Variants in GGT5 observed in about 807,000 individuals in gnomAD.
GGT5 encodes the protein gamma-glutamyltransferase 5.
In GGT5, 50 loss-of-function variants were observed where a neutral mutation model predicts 58.1. The ratio of observed to expected loss-of-function variants is 0.86; its 90% confidence interval spans 0.69 to 1.09. The LOEUF (loss-of-function observed/expected upper bound fraction) is 1.09, where lower values mean the gene tolerates loss of function less well. GGT5 is among the 50% of genes least tolerant of loss of function. GGT5 has a pLI of 0.00. For missense variants in GGT5, 800 were observed against 789.4 expected (o/e 1.01, Z -0.16); for synonymous variants, 370 against 346.1 (o/e 1.07, Z -0.77).
At chr22:24,233,639 G>A in intron 2 of GGT5, 46 bp from the exon 3 acceptor site, 1 of 1,137,744 alleles carries the variant, frequency 8.8e-7, no homozygotes, top group Middle Eastern at 2.1e-4. Context: ...CCTGCAGACA[G>A]CCCCTGGCCT....
Position 24,226,229 on chromosome 22 carries a change from T to C in GGT5, c.1076A>G (p.Gln359Arg). Residue 359 changes from glutamine (Q) to arginine (R), a missense_variant, in exon 8 of 12, where the codon CAG becomes CGG. Gln to Arg is a conservative substitution (Grantham distance 43). Transcript: ENST00000327365. ...SRDLLGETLA[Q>R]LIRQQIDGRG... ...GCCATCGATCTGTTGGCGGATGAGC[T>C]GGGCCAGGGTCTCCCCCAGCAGGTC... The C allele has an allele frequency of 6.2e-7, 1 of 1,607,526 alleles. No homozygotes were observed. Among genetic ancestry groups the C allele is most frequent in the Non-Finnish European group, 8.5e-7 (1 of 1,179,176 alleles).
At chr22:24,238,888 ATTTTATATATATATATATTATATATAT>A (rs1569372180) in intron 1 of GGT5, among the ~76,000 whole-genome samples, 755 of 14,612 alleles carry the variant, frequency 0.052, 113 homozygotes, top group Non-Finnish European at 0.076. Context: ...TATATTATAT[ATTTTATATATATATATATTATATATAT>A]TATATATATA....
At chr22:24,231,322 T>C in intron 6 of GGT5, 62 bp downstream of exon 6, 1 of 1,195,836 alleles carries the variant, frequency 8.4e-7, no homozygotes, top group Non-Finnish European at 1.2e-6. Context: ...GGAGTCTGAG[T>C]TCCCGGGGGC....
chr22:24,236,715 G>A (rs909517080), intron 1 of GGT5, among the ~76,000 whole-genome samples: 2 of 148,368 alleles, frequency 1.3e-5, no homozygotes, highest in African/African-American at 5.0e-5. Context: ...GTGAGCCAAG[G>A]TTGTACCACT....
chr22:24,227,750 A>C (rs1342607156), intron 6 of GGT5, among the ~76,000 whole-genome samples: 2 of 151,740 alleles, frequency 1.3e-5, no homozygotes, highest in Admixed American at 1.3e-4. Context: ...AAGTGGGAAG[A>C]GGCTGTGAAA....
At chr22:24,221,795 C>G (rs374607309) in intron 11 of GGT5, among the ~76,000 whole-genome samples, 1 of 151,982 alleles carries the variant, frequency 6.6e-6, no homozygotes, top group Non-Finnish European at 1.5e-5. Context: ...CGGGAGCCAC[C>G]GCGCGCAGCC....
rs1273239063 is a variant in GGT5 at position 24,228,048 on chromosome 22, C to CAAAAAAAAAAA, written c.902-1292_902-1282dup. ...TAGTAAACAGAGCAAGACTCTGTCT[C>CAAAAAAAAAAA]AAAAAAAAAAAAAAAAAACAAAACA... On this transcript the variant is annotated intron_variant, in intron 6 of 11. Coordinates refer to ENST00000327365, the MANE Select transcript of GGT5 (RefSeq NM_004121.5). Among the ~76,000 whole-genome samples, 16 of 22,066 alleles carry CAAAAAAAAAAA rather than the reference C, an allele frequency of 7.3e-4. 2 individuals are homozygous for CAAAAAAAAAAA. Among genetic ancestry groups the CAAAAAAAAAAA allele is most frequent in the Non-Finnish European group, 9.8e-4 (11 of 11,208 alleles). 14.5% of individuals were successfully genotyped at this position (22,066 alleles called of 152,430 possible). A position where few individuals can be genotyped will look rare whatever the true frequency, so the allele number is the denominator to read the frequency against.
Position 24,226,232 on chromosome 22 carries a change from G to T in GGT5, c.1073C>A (p.Ala358Asp). The change falls in exon 8 of 12, where the codon GCC (alanine) becomes GAC (aspartate). Residue 358 changes from alanine (A) to aspartate (D), a missense_variant. Transcript: ENST00000327365. ...ASRDLLGETL[A>D]QLIRQQIDGR... Reference sequence around the variant, plus strand: ...ATCGATCTGTTGGCGGATGAGCTGGGCCAGGGTCTCCCCCAGCAGGTCCCG... The same window carrying T: ...ATCGATCTGTTGGCGGATGAGCTGGTCCAGGGTCTCCCCCAGCAGGTCCCG... The T allele has an allele frequency of 6.2e-7, 1 of 1,608,050 alleles. No homozygotes were observed.
At chr22:24,241,682 C>T (rs947943311) in intron 1 of GGT5, 7 of 151,784 alleles carry the variant, frequency 4.6e-5, no homozygotes, top group East Asian at 1.9e-4. Flanking sequence ...CCATCAGGAA[C>T]GAGTAGAATA....
chr22:24,230,758 A>G (rs2047913602), intron 6 of GGT5, among the ~76,000 whole-genome samples: 1 of 152,134 alleles, frequency 6.6e-6, no homozygotes, highest in Admixed American at 6.5e-5. Flanking sequence ...TGGAACAAAC[A>G]TCATTTTCTT....
intron 4 of GGT5, 43 bp from the exon 5 acceptor site, chr22:24,232,251 G>A (rs948834583): frequency 1.2e-5 from 15 of 1,235,558 alleles, no homozygotes; most frequent in Non-Finnish European, 1.7e-5. Flanking sequence ...AGGTCCCAGA[G>A]GCAGCCACAC....
chr22:24,244,694 A>G lies in GGT5; in HGVS notation c.32T>C (p.Leu11Pro). 1 of 1,612,468 alleles carries G rather than the reference A, an allele frequency of 6.2e-7. No individual in the cohort carries two copies. The highest frequency in any genetic ancestry group is 8.5e-7 in the Non-Finnish European group (1 of 1,179,856). MARGYGATVS[L>P]VLLGLGLALA... Reference sequence around the variant, plus strand: ...CGCCAGCCCCAGACCCAGCAGGACTAGGCTGACCGTGGCCCCGTAGCCCCG... The same window carrying G: ...CGCCAGCCCCAGACCCAGCAGGACTGGGCTGACCGTGGCCCCGTAGCCCCG... Residue 11 changes from leucine to proline, a missense_variant, in exon 1 of 12, where the codon CTA becomes CCA. Leu to Pro is a moderately conservative substitution (Grantham distance 98). Transcript: ENST00000327365.
intron 11 of GGT5, among the ~76,000 whole-genome samples, chr22:24,222,132 T>C (rs2047607133): frequency 6.6e-6 from 1 of 151,884 alleles, no homozygotes; most frequent in African/African-American, 2.4e-5. Context: ...TAAGCTGAGA[T>C]CGCGCCACTG....
rs190365252 is a variant in GGT5 at position 24,232,662 on chromosome 22, G to T, written c.596+161C>A. On this transcript the variant is annotated intron_variant, in intron 4 of 11. Coordinates refer to ENST00000327365, the MANE Select transcript of GGT5 (RefSeq NM_004121.5). ...TAACCCCAAGTTAGGCTCTGCCACG[G>T]GGAGCTGGAAGGGCCATGAAAAGTA... Among the ~76,000 whole-genome samples, 399 of 152,276 alleles carry T rather than the reference G, an allele frequency of 2.6e-3. 3 individuals carry two copies. Among genetic ancestry groups the T allele is most frequent in the African/African-American group, 9.3e-3 (387 of 41,542 alleles).
chr22:24,225,066 G>T lies in GGT5; in HGVS notation c.1544C>A (p.Ala515Glu), dbSNP rs371500873. ...SKLWLGFDLR[A>E]AIAAPILHVN... ...ATGCAGGATGGGGGCTGCAATGGCC[G>T]CTCTCAGGTCAAAGCCAAGCCACAG... The change falls in exon 11 of 12, where the codon GCG becomes GAG. Residue 515 changes from alanine (A) to glutamate (E), a missense_variant. Physicochemically the swap from Ala to Glu is moderately radical, Grantham distance 107. Transcript: ENST00000327365. 2 of 1,600,388 alleles carry T rather than the reference G, an allele frequency of 1.2e-6. No individual in the cohort carries two copies. The highest frequency in any genetic ancestry group is 2.3e-5 in the East Asian group (1 of 43,964).
chr22:24,225,701 C>T lies in GGT5; in HGVS notation c.1230-49G>A, dbSNP rs752816688. ...CCTGGGCTAGGACCCGGGGCTCCCACCAGACACCACTTACCCTGCACGCTT... is the reference window on the plus strand; with the variant it reads ...CCTGGGCTAGGACCCGGGGCTCCCATCAGACACCACTTACCCTGCACGCTT... On this transcript the variant is annotated intron_variant, in intron 8 of 11. Transcript: ENST00000327365. The T allele has an allele frequency of 2.7e-6, 3 of 1,094,836 alleles. No individual in the cohort carries two copies. The South Asian group carries it at 3.8e-5, about 14-fold the overall frequency. 67.8% of individuals were successfully genotyped at this position (1,094,836 alleles called of 1,614,324 possible).
chr22:24,244,487 C>A lies in GGT5; in HGVS notation c.173+66G>T, dbSNP rs2048417913. 1.8e-5 allele frequency: 25 copies of A among 1,368,966 alleles called. No individual in the cohort carries two copies. In the South Asian group the frequency reaches 3.1e-4, roughly 17 times the overall value. The allele number at this position is 1,368,966 out of a possible 1,614,324, so 84.8% of individuals were successfully genotyped here. On this transcript the variant is annotated intron_variant, in intron 1 of 11. Coordinates refer to ENST00000327365, the MANE Select transcript of GGT5 (RefSeq NM_004121.5). ...ACATTCACTCACACACACACACACA[C>A]ACACGCCTTCTCCAGGAGGGGCTGG...
At chr22:24,231,641 G>C (rs2047945321) in intron 5 of GGT5, 111 bp from the exon 6 acceptor site, 1 of 1,116,788 alleles carries the variant, frequency 9.0e-7, no homozygotes, top group African/African-American at 1.5e-5. Context: ...TTGCCTTGTG[G>C]ACACAGGATG....
At chr22:24,224,958 G>A (rs1186011527) in intron 11 of GGT5, 38 bp downstream of exon 11, 2 of 1,352,422 alleles carry the variant, frequency 1.5e-6, no homozygotes, top group Admixed American at 1.9e-5. Flanking sequence ...TGGGGAGTGG[G>A]CTCTGCCCTA....
Sources: allele counts gnomAD v4.1 joint callset (sites outside exome capture counted in the v4.1 genomes callset), GRCh38; gene constraint gnomAD v4.1.1; transcripts MANE v1.5; gene names NCBI Gene and HGNC (gene_info 2026-07-23, HGNC 2026-07-21).